Variants in CHN1 observed in about 807,000 individuals in gnomAD.
The protein encoded by CHN1 is N-chimaerin.
A neutral mutation model predicts 59.5 loss-of-function variants in CHN1; 37 were observed. The observed-to-expected ratio is 0.62, with a 90% CI of 0.48 to 0.82. The LOEUF (loss-of-function observed/expected upper bound fraction) is 0.82, where lower values mean the gene tolerates loss of function less well. CHN1 is among the 40% of genes least tolerant of loss of function. The probability of loss-of-function intolerance (pLI) is 0.00; values close to 1 mark genes in which losing one functional copy is unlikely to be tolerated. For synonymous variants in CHN1, 206 were observed against 200.4 expected (o/e 1.03, Z -0.24); for missense variants, 469 against 571.0 (o/e 0.82, Z 1.82).
At chr2:174,979,842 C>T (rs1483966367) in intron 1 of CHN1, among the ~76,000 whole-genome samples, 2 of 152,102 alleles carry the variant, frequency 1.3e-5, no homozygotes, top group Non-Finnish European at 2.9e-5. Context: ...GATCACACCA[C>T]TGCACTCCAG....
chr2:174,829,968 T>A (rs150792578), intron 7 of CHN1, among the ~76,000 whole-genome samples: 2 of 152,174 alleles, frequency 1.3e-5, no homozygotes, highest in East Asian at 3.9e-4. Flanking sequence ...CCATATGATA[T>A]GGAATTTAGA....
intron 7 of CHN1, among the ~76,000 whole-genome samples, chr2:174,827,646 ACTAGGTAGGGTGGTGCTATGG>A (rs1034212908): frequency 6.6e-6 from 1 of 152,186 alleles, no homozygotes; most frequent in Non-Finnish European, 1.5e-5. Context: ...AGGAAGACAG[ACTAGGTAGGGTGGTGCTATGG>A]CAGTCACCCA....
At position 174,945,194 on chromosome 2, in the gene CHN1, T is replaced by C. The variant is rs1689788381; in HGVS notation, c.59-251A>G. ...CCTTATAACAAGTCAGTGCTGGATA[T>C]TTGGCTCTGTTCTCCATAATCTGGT... On this transcript the variant is annotated intron_variant, in intron 2 of 12. Coordinates refer to ENST00000409900, the MANE Select transcript of CHN1 (RefSeq NM_001822.7). The C allele has an allele frequency of 4.0e-6, 2 of 495,926 alleles. 1 individual carries two copies. The highest frequency in any genetic ancestry group is 7.6e-5 in the East Asian group (2 of 26,346). 30.7% of individuals were successfully genotyped at this position (495,926 alleles called of 1,614,324 possible).
At chr2:174,890,938 C>T (rs1178232490) in intron 5 of CHN1, among the ~76,000 whole-genome samples, 4 of 150,786 alleles carry the variant, frequency 2.7e-5, no homozygotes, top group East Asian at 1.9e-4. Context: ...AAAACTAACA[C>T]GGTAGGGCTA....
chr2:174,923,781 C>A (rs954101964), intron 3 of CHN1, among the ~76,000 whole-genome samples: 7 of 152,126 alleles, frequency 4.6e-5, no homozygotes, highest in Non-Finnish European at 8.8e-5. Context: ...CCATTAACTG[C>A]CTAAGTAATC....
In CHN1 at chr2:174,846,958, C is replaced by T; in HGVS notation, c.550-1G>A. ...TTGCTCTTCTAACAAGTGATGTCAA[C>T]TGCGAATAAGCAAAGAGTTTCAGAG... On this transcript the variant is annotated splice_acceptor_variant, in intron 6 of 12. Transcript: ENST00000409900. LOFTEE classifies it high-confidence loss of function. 1 of 1,553,756 alleles carries T rather than the reference C, an allele frequency of 6.4e-7. No homozygotes were observed. The highest frequency in any genetic ancestry group is 8.7e-7 in the Non-Finnish European group (1 of 1,147,770).
At position 174,980,678 on chromosome 2, in the gene CHN1, C is replaced by T. The variant is rs545513366; in HGVS notation, c.19+24216G>A. Reference sequence around the variant, plus strand: ...TCTGTTTTTCCTTGACTACAACCAACCAATCAGTAATAATTAGCAGTAGAC... The same window carrying T: ...TCTGTTTTTCCTTGACTACAACCAATCAATCAGTAATAATTAGCAGTAGAC... On this transcript the variant is annotated intron_variant, in intron 1 of 12. Coordinates refer to ENST00000409900, the MANE Select transcript of CHN1 (RefSeq NM_001822.7). Among the ~76,000 whole-genome samples the T allele has an allele frequency of 3.9e-5, 6 of 152,230 alleles. No individual in the cohort carries two copies. The East Asian group carries it at 1.2e-3, about 29-fold the overall frequency.
rs117323757 is a variant in CHN1 at position 174,911,927 on chromosome 2, G to A, written c.260+3131C>T. Among the ~76,000 whole-genome samples, 191 of 152,232 alleles carry A rather than the reference G, an allele frequency of 1.3e-3. 1 individual carries two copies. The highest frequency in any genetic ancestry group is 9.8e-3 in the East Asian group (51 of 5,186). On this transcript the variant is annotated intron_variant, in intron 5 of 12. Transcript: ENST00000409900. ...AGGCTGGACCCACAGACATTTCTTA[G>A]GCAGTTACTTAACTAGTCCAGAAAG...
At chr2:174,846,213 T>A in intron 7 of CHN1, 1 of 1,423,104 alleles carries the variant, frequency 7.0e-7, no homozygotes, top group Non-Finnish European at 9.3e-7. Flanking sequence ...AGACTAGATC[T>A]ACATACAGCT....
At chr2:174,982,572 T>A (rs1458831596) in intron 1 of CHN1, among the ~76,000 whole-genome samples, 1 of 152,180 alleles carries the variant, frequency 6.6e-6, no homozygotes, top group Non-Finnish European at 1.5e-5. Flanking sequence ...ATTTTTAACA[T>A]AAAACATTTA....
chr2:174,804,399 T>C (rs1197215787), intron 11 of CHN1, among the ~76,000 whole-genome samples: 1 of 152,096 alleles, frequency 6.6e-6, no homozygotes, highest in Non-Finnish European at 1.5e-5. Flanking sequence ...GATTTAGTGT[T>C]TACTAAGAGA....
At chr2:174,869,690 T>A (rs1687341878) in intron 6 of CHN1, among the ~76,000 whole-genome samples, 1 of 152,192 alleles carries the variant, frequency 6.6e-6, no homozygotes, top group Non-Finnish European at 1.5e-5. Context: ...TTAAAAATTC[T>A]TGGAAACATG....
chr2:174,859,382 T>G (rs1687003227), intron 6 of CHN1, among the ~76,000 whole-genome samples: 1 of 152,142 alleles, frequency 6.6e-6, no homozygotes, highest in Admixed American at 6.6e-5. Flanking sequence ...AAGGGAGGAC[T>G]CAGAAACCTC....
intron 6 of CHN1, among the ~76,000 whole-genome samples, chr2:174,872,243 C>T (rs1392822734): frequency 1.3e-5 from 2 of 152,148 alleles, no homozygotes; most frequent in East Asian, 3.8e-4. Flanking sequence ...ATGTTTGCAT[C>T]AATGCACTCC....
intron 8 of CHN1, among the ~76,000 whole-genome samples, chr2:174,818,751 T>C (rs915193717): frequency 1.3e-5 from 2 of 152,178 alleles, no homozygotes; most frequent in Admixed American, 1.3e-4. Flanking sequence ...TTCTATACTT[T>C]CTTAATAAAA....
chr2:174,947,956 C>T (rs1689896021), intron 2 of CHN1, among the ~76,000 whole-genome samples: 1 of 152,142 alleles, frequency 6.6e-6, no homozygotes. Flanking sequence ...TAAGCACAAT[C>T]ATTAAATGAT....
intron 8 of CHN1, among the ~76,000 whole-genome samples, chr2:174,815,332 C>T (rs1320184297): frequency 6.6e-6 from 1 of 152,048 alleles, no homozygotes; most frequent in Admixed American, 6.5e-5. Flanking sequence ...GAGCTATGAT[C>T]ACACCACTGC....
intron 7 of CHN1, among the ~76,000 whole-genome samples, chr2:174,831,437 G>A (rs2105411656): frequency 6.6e-6 from 1 of 152,250 alleles, no homozygotes; most frequent in East Asian, 1.9e-4. Flanking sequence ...GATGTTCTGT[G>A]CTGAGCTGAA....
intron 12 of CHN1, 77 bp from the exon 13 acceptor site, chr2:174,800,364 C>T: frequency 1.8e-6 from 2 of 1,117,650 alleles, no homozygotes; most frequent in Non-Finnish European, 2.4e-6. Flanking sequence ...ACTAAAACAA[C>T]AAGATTCACA....
Sources: gnomAD v4.1 joint callset for allele counts (sites outside exome capture counted in the v4.1 genomes callset) on GRCh38, gnomAD v4.1.1 for gene constraint, MANE v1.5 for transcripts, NCBI Gene and HGNC (gene_info 2026-07-23, HGNC 2026-07-21) for gene names.